Variants in TUNAR observed in about 807,000 individuals in gnomAD.
TUNAR encodes the protein protein TUNAR.
exon 3 of TUNAR, chr14:95,923,208 T>C: frequency 2.9e-6 from 1 of 348,690 alleles, no homozygotes; most frequent in Non-Finnish European, 5.1e-6. Flanking sequence ...TCAACGTCTT[T>C]GGCAGGGGGC....
chr14:95,888,057 C>T (rs181201250), intron 2 of TUNAR, among the ~76,000 whole-genome samples: 3 of 152,284 alleles, frequency 2.0e-5, no homozygotes, highest in African/African-American at 2.4e-5. Flanking sequence ...AGCTGTTCTT[C>T]GAGTCAGATT....
chr14:95,911,175 C>T (rs1160180786), intron 2 of TUNAR, among the ~76,000 whole-genome samples: 1 of 152,198 alleles, frequency 6.6e-6, no homozygotes, highest in Non-Finnish European at 1.5e-5. Context: ...GCTCTTAGGA[C>T]AGCCCCCTCA....
chr14:95,896,687 G>A (rs1044607714), intron 2 of TUNAR, among the ~76,000 whole-genome samples: 3 of 152,218 alleles, frequency 2.0e-5, no homozygotes, highest in Non-Finnish European at 1.5e-5. Context: ...CCACTTGCAA[G>A]CAGTTTGTAA....
In TUNAR at chr14:95,911,614, G is replaced by A. The variant is rs531851846; in HGVS notation, c.13-11167G>A. ...AATTTCCAGGCAGGAGCTTGCCATC[G>A]TAGATAGGATCAGCGTGAACCTTCC... is the stretch of plus-strand genomic sequence containing the variant. On this transcript the variant is annotated intron_variant, in intron 2 of 2. Transcript: ENST00000678517. Among the ~76,000 whole-genome samples, 192 of 152,320 alleles carry A rather than the reference G, an allele frequency of 1.3e-3. 1 individual carries two copies. The highest frequency in any genetic ancestry group is 0.01 in the Middle Eastern group (3 of 294).
intron 2 of TUNAR, among the ~76,000 whole-genome samples, chr14:95,921,016 C>T (rs891775738): frequency 3.9e-5 from 6 of 152,150 alleles, no homozygotes; most frequent in African/African-American, 1.4e-4. Flanking sequence ...GGAAGAGCTA[C>T]CTGAAAATCA....
Position 95,883,038 on chromosome 14 carries a change from G to A in TUNAR, c.12+5861G>A, listed in dbSNP as rs181081530. Reference sequence around the variant, plus strand: ...CGTCTATTATCCTTTAATTTGTTCAGAGGGCTTTATTGAATACTTCTAAAA... The same window carrying A: ...CGTCTATTATCCTTTAATTTGTTCAAAGGGCTTTATTGAATACTTCTAAAA... On this transcript the variant is annotated intron_variant, in intron 2 of 2. Transcript: ENST00000678517. Among the ~76,000 whole-genome samples, 10 of 152,224 alleles carry A rather than the reference G, an allele frequency of 6.6e-5. No homozygotes were observed. In the East Asian group the frequency reaches 1.7e-3, roughly 26 times the overall value.
intron 2 of TUNAR, among the ~76,000 whole-genome samples, chr14:95,899,493 T>A (rs985329347): frequency 6.6e-6 from 1 of 152,232 alleles, no homozygotes; most frequent in Non-Finnish European, 1.5e-5. Flanking sequence ...GGTGTTTGAC[T>A]GCAGGCAGGC....
chr14:95,914,616 G>C (rs1389305318), intron 2 of TUNAR, among the ~76,000 whole-genome samples: 1 of 152,184 alleles, frequency 6.6e-6, no homozygotes, highest in African/African-American at 2.4e-5. Context: ...AAGGTGCTTA[G>C]CTGGACAAAA....
intron 2 of TUNAR, among the ~76,000 whole-genome samples, chr14:95,916,198 A>G (rs1165682125): frequency 1.3e-5 from 2 of 152,216 alleles, no homozygotes; most frequent in African/African-American, 4.8e-5. Flanking sequence ...AAATATTACC[A>G]GTGGCTTAGA....
intron 2 of TUNAR, among the ~76,000 whole-genome samples, chr14:95,906,282 T>C (rs536009278): frequency 6.6e-6 from 1 of 152,334 alleles, no homozygotes; most frequent in East Asian, 1.9e-4. Context: ...GGACAGGCAC[T>C]AATCCATGCG....
At chr14:95,902,576 C>T (rs1004677782) in intron 2 of TUNAR, among the ~76,000 whole-genome samples, 5 of 152,172 alleles carry the variant, frequency 3.3e-5, no homozygotes, top group South Asian at 2.1e-4. Flanking sequence ...GCTAGGAAAT[C>T]GCACTTACGG....
chr14:95,914,807 G>T (rs1889575780), intron 2 of TUNAR, among the ~76,000 whole-genome samples: 1 of 152,194 alleles, frequency 6.6e-6, no homozygotes, highest in African/African-American at 2.4e-5. Context: ...AGCTCAGAGA[G>T]ATGAAGCAGC....
chr14:95,897,387 C>T (rs1889285370), intron 2 of TUNAR, among the ~76,000 whole-genome samples: 1 of 152,196 alleles, frequency 6.6e-6, no homozygotes, highest in African/African-American at 2.4e-5. Context: ...TTCTCCAGCA[C>T]CCTTGCACAG....
chr14:95,908,236 C>T (rs1181421104), intron 2 of TUNAR, among the ~76,000 whole-genome samples: 1 of 152,334 alleles, frequency 6.6e-6, no homozygotes, highest in African/African-American at 2.4e-5. Flanking sequence ...GGAAGAGGCA[C>T]TTCCGAAGCT....
intron 2 of TUNAR, among the ~76,000 whole-genome samples, chr14:95,909,952 G>GT (rs1214245438): frequency 6.6e-6 from 1 of 152,186 alleles, no homozygotes; most frequent in African/African-American, 2.4e-5. Flanking sequence ...ATGCACAGGG[G>GT]TTAGAGCCCC....
intron 2 of TUNAR, among the ~76,000 whole-genome samples, chr14:95,920,783 G>A (rs1191348711): frequency 1.3e-5 from 2 of 152,124 alleles, no homozygotes; most frequent in African/African-American, 2.4e-5. Context: ...CTGGATTCCC[G>A]TTTGTGATCC....
intron 2 of TUNAR, among the ~76,000 whole-genome samples, chr14:95,902,314 T>C (rs148789666): frequency 7.9e-5 from 12 of 152,290 alleles, no homozygotes; most frequent in Non-Finnish European, 1.6e-4. Context: ...TTCAGAAGGA[T>C]GCTATTTCCA....
intron 2 of TUNAR, among the ~76,000 whole-genome samples, chr14:95,917,129 A>G (rs1488084056): frequency 6.6e-6 from 1 of 152,240 alleles, no homozygotes; most frequent in Non-Finnish European, 1.5e-5. Context: ...TTGTTAAGAT[A>G]TCCTTCTCTA....
intron 2 of TUNAR, among the ~76,000 whole-genome samples, chr14:95,891,419 A>G (rs1369106442): frequency 1.3e-5 from 2 of 152,190 alleles, no homozygotes; most frequent in Non-Finnish European, 1.5e-5. Flanking sequence ...CCTGCGATTC[A>G]TATAAGTTCT....
Sources: allele counts gnomAD v4.1 joint callset (sites outside exome capture counted in the v4.1 genomes callset), GRCh38; gene constraint gnomAD v4.1.1; transcripts MANE v1.5; gene names NCBI Gene and HGNC (gene_info 2026-07-23, HGNC 2026-07-21).